The following DCC variants were observed in gnomAD, a reference collection of about 807,000 sequenced individuals.
DCC encodes DCC netrin 1 receptor.
DCC carries 58 observed loss-of-function variants against 172.5 expected under a neutral mutation model. The ratio of observed to expected loss-of-function variants is 0.34; its 90% CI spans 0.27 to 0.42. DCC has a LOEUF of 0.42. Among genes scored for constraint, DCC ranks in the 10% least tolerant of loss-of-function variants. The pLI is 1.00. For missense variants in DCC, 1,740 were observed against 1,791.0 expected, an observed-to-expected ratio of 0.97 and a Z score of 0.51; for synonymous variants, 709 against 644.5, an observed-to-expected ratio of 1.10 and a Z score of -1.52.
chr18:52,512,166 C>T (rs745754586), intron 1 of DCC, among the ~76,000 whole-genome samples: 1 of 152,148 alleles, frequency 6.6e-6, no homozygotes, highest in Non-Finnish European at 1.5e-5. Flanking sequence ...GGGCTTAGGA[C>T]TCACCGATCC....
intron 27 of DCC, among the ~76,000 whole-genome samples, chr18:53,510,008 CCTT>C (rs1423632639): frequency 2.0e-5 from 3 of 152,136 alleles, no homozygotes; most frequent in Non-Finnish European, 2.9e-5. Context: ...ATAAATTTGT[CCTT>C]CTTCTGCAAC....
intron 21 of DCC, among the ~76,000 whole-genome samples, chr18:53,425,177 G>T (rs781121887): frequency 3.3e-5 from 5 of 150,964 alleles, no homozygotes; most frequent in African/African-American, 2.4e-5. Context: ...CCAGTACTCT[G>T]CATGGTTACA....
chr18:53,182,320 C>G (rs1027560812), intron 9 of DCC, among the ~76,000 whole-genome samples: 4 of 152,120 alleles, frequency 2.6e-5, no homozygotes, highest in Admixed American at 6.5e-5. Context: ...CAGCATTGTT[C>G]TATTAAATTA....
chr18:53,231,930 G>T (rs953228971), intron 12 of DCC, among the ~76,000 whole-genome samples: 2 of 152,046 alleles, frequency 1.3e-5, no homozygotes, highest in Admixed American at 6.6e-5. Context: ...TTCATTTGAC[G>T]TTTGAGTCCT....
At chr18:52,431,906 C>CT (rs1000543813) in intron 1 of DCC, among the ~76,000 whole-genome samples, 4 of 152,154 alleles carry the variant, frequency 2.6e-5, no homozygotes, top group Non-Finnish European at 5.9e-5. Context: ...CTGATGATCC[C>CT]TTGGAGCTCA....
chr18:52,522,712 C>T (rs569356748), intron 1 of DCC, among the ~76,000 whole-genome samples: 3 of 152,252 alleles, frequency 2.0e-5, no homozygotes, highest in Non-Finnish European at 4.4e-5. Context: ...ATAAATGTCT[C>T]ATAGCTAGAT....
chr18:52,709,337 C>T (rs1345529903), intron 1 of DCC, among the ~76,000 whole-genome samples: 1 of 152,106 alleles, frequency 6.6e-6, no homozygotes, highest in African/African-American at 2.4e-5. Context: ...CCAAAATAAC[C>T]ATTTGGCTTT....
At chr18:52,683,678 G>A (rs1406322260) in intron 1 of DCC, among the ~76,000 whole-genome samples, 3 of 152,160 alleles carry the variant, frequency 2.0e-5, no homozygotes, top group Non-Finnish European at 4.4e-5. Flanking sequence ...TGAACTCTCA[G>A]AGAAGCTTCA....
chr18:53,128,885 A>G (rs1598830457), intron 7 of DCC, among the ~76,000 whole-genome samples: 1 of 59,970 alleles, frequency 1.7e-5, no homozygotes, highest in Non-Finnish European at 3.7e-5. Flanking sequence ...ATATATATAT[A>G]TATATATATA....
chr18:52,669,089 G>A (rs1460894927), intron 1 of DCC, among the ~76,000 whole-genome samples: 3 of 152,138 alleles, frequency 2.0e-5, no homozygotes, highest in Non-Finnish European at 4.4e-5. Context: ...GGTGGGCAGG[G>A]GAAAACCAGT....
At chr18:52,708,645 C>T (rs2036248961) in intron 1 of DCC, among the ~76,000 whole-genome samples, 1 of 152,070 alleles carries the variant, frequency 6.6e-6, no homozygotes, top group South Asian at 2.1e-4. Flanking sequence ...GCGAAAGGCT[C>T]TGAGTCTCAG....
At chr18:52,361,153 T>C (rs895711879) in intron 1 of DCC, among the ~76,000 whole-genome samples, 4 of 152,222 alleles carry the variant, frequency 2.6e-5, no homozygotes, top group Non-Finnish European at 5.9e-5. Flanking sequence ...TTATCTTTAT[T>C]ATAATTTCTA....
At chr18:53,311,995 T>C (rs2057274033) in intron 13 of DCC, among the ~76,000 whole-genome samples, 1 of 151,906 alleles carries the variant, frequency 6.6e-6, no homozygotes, top group Non-Finnish European at 1.5e-5. Context: ...AGATGTCTAT[T>C]GGACAATAAA....
At chr18:53,049,767 T>C (rs2042309416) in intron 5 of DCC, among the ~76,000 whole-genome samples, 1 of 152,138 alleles carries the variant, frequency 6.6e-6, no homozygotes, top group African/African-American at 2.4e-5. Flanking sequence ...GCATTGAGTC[T>C]ATAAATTGCT....
intron 1 of DCC, among the ~76,000 whole-genome samples, chr18:52,369,299 A>G (rs1261225189): frequency 6.7e-6 from 1 of 148,576 alleles, no homozygotes; most frequent in Non-Finnish European, 1.5e-5. Flanking sequence ...CCCACTTTAG[A>G]TCCTTCAATA....
Position 52,444,821 on chromosome 18 carries a change from G to A in DCC, c.91+103943G>A, listed in dbSNP as rs571077863. The stretch of plus-strand genomic sequence containing the variant: ...GGCAGAGTGACCAGAGAGAGAGAGC[G>A]CTTGACTACCTATATTTTCAAATTA... On this transcript the variant is annotated intron_variant, in intron 1 of 28. Transcript: ENST00000442544. Among the ~76,000 whole-genome samples, 27 of 152,124 alleles carry A rather than the reference G, an allele frequency of 1.8e-4. No homozygotes were observed. The East Asian group carries it at 4.5e-3, about 25-fold the overall frequency.
At chr18:53,435,777 C>T (rs1418731120) in intron 22 of DCC, among the ~76,000 whole-genome samples, 1 of 152,096 alleles carries the variant, frequency 6.6e-6, no homozygotes, top group Non-Finnish European at 1.5e-5. Context: ...TAAGGATGAC[C>T]AGATGGAGGT....
At chr18:52,919,706 G>C (rs566441525) in intron 3 of DCC, among the ~76,000 whole-genome samples, 5 of 151,572 alleles carry the variant, frequency 3.3e-5, no homozygotes, top group African/African-American at 1.2e-4. Flanking sequence ...ATTAAATATT[G>C]GTAAGTAATT....
At chr18:53,432,768 T>G (rs1176507866) in intron 21 of DCC, among the ~76,000 whole-genome samples, 1 of 151,840 alleles carries the variant, frequency 6.6e-6, no homozygotes, top group African/African-American at 2.4e-5. Context: ...TATTATGTAT[T>G]GGCCACATAA....
Sources: gnomAD v4.1 joint callset for allele counts (sites outside exome capture counted in the v4.1 genomes callset) on GRCh38, gnomAD v4.1.1 for gene constraint, MANE v1.5 for transcripts, NCBI Gene and HGNC (gene_info 2026-07-23, HGNC 2026-07-21) for gene names.